Variants in MYCBP2 observed in about 807,000 individuals in gnomAD.
MYCBP2 encodes the protein MYC binding protein 2.
Under a neutral mutation model 525.3 loss-of-function variants are expected in MYCBP2, and 120 were observed. The ratio of observed to expected loss-of-function variants is 0.23; its 90% confidence interval spans 0.20 to 0.27. The LOEUF (loss-of-function observed/expected upper bound fraction) is 0.27, where lower values mean the gene tolerates loss of function less well. MYCBP2 is among the 10% of genes least tolerant of loss of function. The pLI, the probability that MYCBP2 is intolerant of heterozygous loss-of-function variation, is 1.00. For missense variants in MYCBP2, 4,149 were observed against 5,657.1 expected, an observed-to-expected ratio of 0.73 and a Z score of 8.55; for synonymous variants, 1,894 against 1,955.8, an observed-to-expected ratio of 0.97 and a Z score of 0.83.
intron 2 of MYCBP2, among the ~76,000 whole-genome samples, chr13:77,293,690 TAAAAC>T (rs2077728242): frequency 6.6e-6 from 1 of 151,970 alleles, no homozygotes. Flanking sequence ...GAGGAGGAGA[TAAAAC>T]AACAGAAAAC....
intron 2 of MYCBP2, among the ~76,000 whole-genome samples, chr13:77,291,487 C>T: frequency 6.6e-6 from 1 of 152,150 alleles, no homozygotes; most frequent in East Asian, 1.9e-4. Context: ...GCTAAATGTA[C>T]AGGCCGGGTG....
chr13:77,307,744 A>C (rs190952242), intron 1 of MYCBP2, among the ~76,000 whole-genome samples: 1 of 152,014 alleles, frequency 6.6e-6, no homozygotes, highest in South Asian at 2.1e-4. Context: ...CTAGTAGCCA[A>C]TTCAACTGCC....
intron 52 of MYCBP2, among the ~76,000 whole-genome samples, chr13:77,132,803 T>C (rs940141745): frequency 4.6e-5 from 7 of 152,182 alleles, no homozygotes; most frequent in African/African-American, 1.7e-4. Flanking sequence ...CAGAGTCTAA[T>C]GTCTTCCTTG....
intron 55 of MYCBP2, chr13:77,103,170 C>A (rs1161728812): frequency 5.0e-6 from 2 of 397,154 alleles, no homozygotes; most frequent in Non-Finnish European, 4.4e-6. Context: ...TCCTTATGTT[C>A]ATTAAGAATG....
intron 30 of MYCBP2, among the ~76,000 whole-genome samples, chr13:77,187,863 C>T (rs918790054): frequency 2.0e-5 from 3 of 151,788 alleles, no homozygotes; most frequent in Non-Finnish European, 4.4e-5. Context: ...TGTTCGAGGT[C>T]AGGGGTTCGA....
chr13:77,249,548 A>G (rs530738384), intron 15 of MYCBP2, among the ~76,000 whole-genome samples: 16 of 152,122 alleles, frequency 1.1e-4, no homozygotes, highest in Admixed American at 6.5e-5. Context: ...GAGTGGGGAT[A>G]TTAAATTTTA....
In MYCBP2 at chr13:77,098,622, TGAG is replaced by T; in HGVS notation, c.8529_8531del (p.Ser2844del). On this transcript the variant is annotated inframe_deletion, in exon 56 of 83. Coordinates refer to ENST00000544440, the MANE Select transcript of MYCBP2 (RefSeq NM_015057.5). ...TTTGAGGTAGATTTTTATCATGTGG[TGAG>T]GAGGAGCGTGGAGAACTAGCACCCG... The T allele has an allele frequency of 6.2e-7, 1 of 1,613,398 alleles. No individual in the cohort carries two copies. Among genetic ancestry groups the T allele is most frequent in the Non-Finnish European group, 8.5e-7 (1 of 1,179,696 alleles).
At chr13:77,254,853 T>A (rs2071882880) in intron 14 of MYCBP2, among the ~76,000 whole-genome samples, 1 of 151,974 alleles carries the variant, frequency 6.6e-6, no homozygotes, top group Non-Finnish European at 1.5e-5. Flanking sequence ...GTGATATTTG[T>A]CTCTGTCCCT....
chr13:77,139,869 T>C (rs111313240), intron 51 of MYCBP2, among the ~76,000 whole-genome samples, 178 bp downstream of exon 51: 5,191 of 152,342 alleles, frequency 0.034, 294 homozygotes, highest in African/African-American at 0.12. Context: ...CATTTTTTAA[T>C]GATAAAATAA....
At chr13:77,230,369 A>G (rs1296725047) in intron 18 of MYCBP2, among the ~76,000 whole-genome samples, 1 of 152,254 alleles carries the variant, frequency 6.6e-6, no homozygotes, top group Non-Finnish European at 1.5e-5. Flanking sequence ...TAGATAAACT[A>G]GAAGATAAAC....
At chr13:77,259,942 A>C (rs1452692482) in intron 13 of MYCBP2, among the ~76,000 whole-genome samples, 1 of 152,202 alleles carries the variant, frequency 6.6e-6, no homozygotes, top group African/African-American at 2.4e-5. Flanking sequence ...TTGGTTTATC[A>C]GTCACCCAGG....
chr13:77,209,802 G>A (rs2063761651), intron 23 of MYCBP2, among the ~76,000 whole-genome samples: 1 of 152,208 alleles, frequency 6.6e-6, no homozygotes, highest in Admixed American at 6.5e-5. Context: ...AACCTGGGAA[G>A]TGCAGCAGTC....
At chr13:77,281,583 A>C (rs1362295600) in intron 3 of MYCBP2, among the ~76,000 whole-genome samples, 2 of 152,118 alleles carry the variant, frequency 1.3e-5, no homozygotes, top group Non-Finnish European at 2.9e-5. Context: ...CAAATAATTA[A>C]ATTTTGAAGG....
rs1256810914 is a variant in MYCBP2 at position 77,327,012 on chromosome 13, TGAG to T, written c.-240_-238del. The T allele has an allele frequency of 6.9e-6, 3 of 437,486 alleles. No homozygotes were observed. In the Admixed American group the frequency reaches 1.3e-4, roughly 19 times the overall value. 27.1% of individuals were successfully genotyped at this position (437,486 alleles called of 1,614,324 possible). On this transcript the variant is annotated 5_prime_UTR_variant, in exon 1 of 83. Transcript: ENST00000544440. Reference sequence around the variant, plus strand: ...ATCTAACCCCGCCACCCCGGGAATGTGAGGAGGAGGCGGTGCCGCCACTGCCGC... The same window carrying T: ...ATCTAACCCCGCCACCCCGGGAATGTGAGGAGGCGGTGCCGCCACTGCCGC...
At chr13:77,246,384 AAGAGG>A (rs1298171314) in intron 15 of MYCBP2, among the ~76,000 whole-genome samples, 5 of 152,100 alleles carry the variant, frequency 3.3e-5, no homozygotes, top group Non-Finnish European at 7.4e-5. Context: ...CAAAAAACTG[AAGAGG>A]AGAGAACAAG....
In MYCBP2 at chr13:77,194,239, A is replaced by G. The variant is rs1249706872; in HGVS notation, c.3849T>C (p.Phe1283=). The G allele has an allele frequency of 6.2e-7, 1 of 1,611,144 alleles. No individual in the cohort carries two copies. The highest frequency in any genetic ancestry group is 1.3e-5 in the African/African-American group (1 of 74,986). ...RGEYTAKIKL[F]ELGPDGGDHE... ...GATCTCCTCCATCAGGACCCAATTCAAACAGCTAAGGAAAGGAGAAAGACA... is the reference window on the plus strand; with the variant it reads ...GATCTCCTCCATCAGGACCCAATTCGAACAGCTAAGGAAAGGAGAAAGACA... The change falls in exon 27 of 83, where the codon TTT becomes TTC. Residue 1283 remains phenylalanine (F), a synonymous_variant. Coordinates refer to ENST00000544440, the MANE Select transcript of MYCBP2 (RefSeq NM_015057.5).
At chr13:77,262,247 C>T in intron 10 of MYCBP2, 118 bp from the exon 11 acceptor site, 1 of 779,688 alleles carries the variant, frequency 1.3e-6, no homozygotes, top group Non-Finnish European at 2.0e-6. Context: ...ACAAGGATGA[C>T]AAAATGTCAT....
At position 77,225,535 on chromosome 13, in the gene MYCBP2, G is replaced by A. The variant is rs376980736; in HGVS notation, c.2757C>T (p.Gly919=). The A allele has an allele frequency of 4.7e-4, 758 of 1,613,336 alleles. 2 individuals are homozygous for A. The highest frequency in any genetic ancestry group is 2.6e-3 in the East Asian group (118 of 44,880). The part of the protein sequence containing the change: ...DKHKDGSGER[G]EKDASKITTY... Reference sequence around the variant, plus strand: ...TTGTGATTTTGCTTGCATCCTTTTCGCCTCTTTCTCCACTTCCATCTGCAA... The same window carrying A: ...TTGTGATTTTGCTTGCATCCTTTTCACCTCTTTCTCCACTTCCATCTGCAA... Residue 919 remains glycine, a synonymous_variant, in exon 19 of 83, where the codon GGC becomes GGT. Transcript: ENST00000544440.
chr13:77,180,247 T>C lies in MYCBP2; in HGVS notation c.5013A>G (p.Leu1671=), dbSNP rs371102746. ...CTCTCCTCAGGCTGTTCCTGACTGGTAGCACAACAATGACCAGCATTTTCT... is the reference window on the plus strand; with the variant it reads ...CTCTCCTCAGGCTGTTCCTGACTGGCAGCACAACAATGACCAGCATTTTCT... ...VLEKMLVIVV[L]PVRNSLRREN... Residue 1671 remains leucine, a synonymous_variant, in exon 34 of 83, where the codon CTA becomes CTG. Coordinates refer to ENST00000544440, the MANE Select transcript of MYCBP2 (RefSeq NM_015057.5). 1.9e-6 allele frequency: 3 copies of C among 1,614,056 alleles called. No homozygotes were observed. The highest frequency in any genetic ancestry group is 2.2e-5 in the East Asian group (1 of 44,896).
Sources: allele counts gnomAD v4.1 joint callset (sites outside exome capture counted in the v4.1 genomes callset), GRCh38; gene constraint gnomAD v4.1.1; transcripts MANE v1.5; gene names NCBI Gene and HGNC (gene_info 2026-07-23, HGNC 2026-07-21).